MEGF10: variants seen among roughly 807,000 people sequenced by gnomAD.
MEGF10 encodes the protein multiple EGF like domains 10.
MEGF10 carries 86 observed loss-of-function variants against 147.5 expected under a neutral mutation model. The ratio of observed to expected loss-of-function variants is 0.58; its 90% CI spans 0.49 to 0.70. The LOEUF (loss-of-function observed/expected upper bound fraction) is 0.70. Among genes scored for constraint, MEGF10 ranks in the 30% least tolerant of loss-of-function variants. MEGF10 has a pLI of 0.00. For missense variants in MEGF10, 1,329 were observed against 1,487.3 expected (o/e 0.89, Z 1.75); for synonymous variants, 478 against 525.5 (o/e 0.91, Z 1.24).
At chr5:127,388,572 G>A (rs912993716) in intron 5 of MEGF10, among the ~76,000 whole-genome samples, 11 of 148,300 alleles carry the variant, frequency 7.4e-5, no homozygotes, top group Non-Finnish European at 1.5e-4. Flanking sequence ...TTGAGGCAGA[G>A]TCTGGCTCTG....
the MEGF10 span, among the ~76,000 whole-genome samples, chr5:127,234,236 A>G: frequency 6.6e-6 from 1 of 152,234 alleles, no homozygotes; most frequent in Non-Finnish European, 1.5e-5. Flanking sequence ...CAAAGCATCC[A>G]GTCACTTGAG....
At chr5:127,272,806 T>C in the MEGF10 span, among the ~76,000 whole-genome samples, 1 of 152,228 alleles carries the variant, frequency 6.6e-6, no homozygotes, top group Non-Finnish European at 1.5e-5. Flanking sequence ...TGAAGTTGCT[T>C]ATCAGCTTAA....
In MEGF10 at chr5:127,433,489, G is replaced by T; in HGVS notation, c.1820G>T (p.Arg607Leu). 6.2e-7 allele frequency: 1 copy of T among 1,609,780 alleles called. No individual in the cohort carries two copies. Among genetic ancestry groups the T allele is most frequent in the East Asian group, 2.2e-5 (1 of 44,788 alleles). The change falls in exon 14 of 25, where the codon CGA becomes CTA. Residue 607 changes from arginine (R) to leucine (L), a missense_variant. By Grantham distance (102) the Arg-to-Leu change is moderately radical. This residue lies in a region of MEGF10 where 980 missense variants were observed against 1,085.9 expected (regional missense o/e 0.90). Transcript: ENST00000503335. The part of the protein sequence containing the change: ...DGICECAPGF[R>L]GTTCQRICSP... Reference sequence around the variant, plus strand: ...ATCTGCGAGTGTGCACCAGGCTTCCGAGGCACCACTTGTCAGAGGAGTAAG... The same window carrying T: ...ATCTGCGAGTGTGCACCAGGCTTCCTAGGCACCACTTGTCAGAGGAGTAAG...
chr5:127,242,390 GA>G, the MEGF10 span, among the ~76,000 whole-genome samples: 1 of 152,178 alleles, frequency 6.6e-6, no homozygotes, highest in Non-Finnish European at 1.5e-5. Flanking sequence ...AAAATTTTAA[GA>G]GGTATATATA....
Position 127,396,894 on chromosome 5 carries a change from A to G in MEGF10, c.659+116A>G, listed in dbSNP as rs1015940015. ...TGCATTGCTGCCTGAAGAGTTACTG[A>G]TGGGTCTAGGCTGCAGGCACAGTTA... On this transcript the variant is annotated intron_variant, in intron 6 of 24. Transcript: ENST00000503335. 40 of 1,461,532 alleles carry G rather than the reference A, an allele frequency of 2.7e-5. No homozygotes were observed. In the African/African-American group the frequency reaches 5.0e-4, roughly 18 times the overall value. The allele number at this position is 1,461,532 out of a possible 1,614,324, so 90.5% of individuals were successfully genotyped here.
chr5:127,339,219 C>CA lies in MEGF10; in HGVS notation c.217dup (p.Arg73LysfsTer17), dbSNP rs1291487750. On this transcript the variant is annotated frameshift_variant and splice_region_variant, in exon 3 of 25. Transcript: ENST00000503335. LOFTEE classifies it high-confidence loss of function. ...TAAACTGGTTTAAATGCACGCGGCA[C>CA]AGGTAATAGAAGCTCAGGCATGTTT... 5.0e-6 allele frequency: 8 copies of CA among 1,607,214 alleles called. No homozygotes were observed. Among genetic ancestry groups the CA allele is most frequent in the Non-Finnish European group, 6.0e-6 (7 of 1,174,574 alleles).
At chr5:127,376,195 G>A (rs552876796) in intron 5 of MEGF10, among the ~76,000 whole-genome samples, 1 of 152,276 alleles carries the variant, frequency 6.6e-6, no homozygotes, top group South Asian at 2.1e-4. Flanking sequence ...AGAAGCCAAG[G>A]AGAGGAAGCA....
intron 5 of MEGF10, among the ~76,000 whole-genome samples, chr5:127,381,437 T>TACAAAACATA (rs1763259084): frequency 6.6e-6 from 1 of 152,218 alleles, no homozygotes; most frequent in African/African-American, 2.4e-5. Flanking sequence ...TACAAACCAT[T>TACAAAACATA]TTCTGACTGT....
intron 2 of MEGF10, 54 bp downstream of exon 2, chr5:127,331,478 A>G (rs1368966957): frequency 1.3e-5 from 12 of 956,754 alleles, no homozygotes; most frequent in African/African-American, 1.7e-5. Context: ...TCCCTTATAT[A>G]CTGTAATTAT....
chr5:127,312,360 G>A (rs1054454122), intron 1 of MEGF10, among the ~76,000 whole-genome samples: 7 of 152,146 alleles, frequency 4.6e-5, no homozygotes, highest in Non-Finnish European at 2.9e-5. Flanking sequence ...GCTTTTATGG[G>A]GAGCTTTTTG....
At chr5:127,302,403 T>C (rs1343759546) in intron 1 of MEGF10, among the ~76,000 whole-genome samples, 1 of 152,184 alleles carries the variant, frequency 6.6e-6, no homozygotes, top group Non-Finnish European at 1.5e-5. Flanking sequence ...GTTTCACTTA[T>C]ATAAAATATC....
At chr5:127,373,608 G>A (rs1762923516) in intron 5 of MEGF10, among the ~76,000 whole-genome samples, 1 of 152,022 alleles carries the variant, frequency 6.6e-6, no homozygotes, top group Non-Finnish European at 1.5e-5. Context: ...ATTGTAGAGT[G>A]GTATTTATAA....
the MEGF10 span, among the ~76,000 whole-genome samples, chr5:127,246,936 G>GCT: frequency 2.5e-4 from 1 of 4,062 alleles, no homozygotes; most frequent in Non-Finnish European, 4.5e-4. Flanking sequence ...AATAATATAT[G>GCT]ATTATATTAT....
At chr5:127,354,687 G>A (rs1348787190) in intron 4 of MEGF10, among the ~76,000 whole-genome samples, 1 of 152,190 alleles carries the variant, frequency 6.6e-6, no homozygotes, top group Admixed American at 6.5e-5. Flanking sequence ...CCTGGCTAAA[G>A]GCTCCTGTTA....
chr5:127,443,053 C>A lies in MEGF10; in HGVS notation c.2418C>A (p.Asn806Lys), dbSNP rs1765815162. The stretch of plus-strand genomic sequence containing the variant: ...GTCGCCAGATATGTGATTGTCTGAA[C>A]AACTCCACCTGCGACCACATCACTG... Reference protein sequence around the residue: ...YGCRQICDCLNNSTCDHITGT... With the variant: ...YGCRQICDCLKNSTCDHITGT... Residue 806 changes from asparagine (N) to lysine (K), a missense_variant, in exon 19 of 25, where the codon AAC (asparagine) becomes AAA (lysine). By Grantham distance (94) the Asn-to-Lys change is moderately conservative. This residue lies in a region of MEGF10 where 980 missense variants were observed against 1,085.9 expected (regional missense o/e 0.90). Transcript: ENST00000503335. 6.2e-7 allele frequency: 1 copy of A among 1,613,746 alleles called. No homozygotes were observed. The highest frequency in any genetic ancestry group is 1.3e-5 in the African/African-American group (1 of 74,914).
intron 13 of MEGF10, among the ~76,000 whole-genome samples, chr5:127,429,938 A>C (rs1765340136): frequency 6.6e-6 from 1 of 151,994 alleles, no homozygotes; most frequent in Non-Finnish European, 1.5e-5. Context: ...TCTTGGCTCA[A>C]CTCAACTTGG....
At chr5:127,328,349 A>G (rs2126777988) in intron 1 of MEGF10, among the ~76,000 whole-genome samples, 1 of 152,342 alleles carries the variant, frequency 6.6e-6, no homozygotes, top group Admixed American at 6.5e-5. Context: ...ACCAAGTAAT[A>G]CACACATACA....
chr5:127,402,943 T>TG lies in MEGF10; in HGVS notation c.917+262dup, dbSNP rs1351121402. Among the ~76,000 whole-genome samples, 11 of 152,154 alleles carry TG rather than the reference T, an allele frequency of 7.2e-5. No individual in the cohort carries two copies. The East Asian group carries it at 1.9e-3, about 27-fold the overall frequency. ...TAAAATATCAGCTATTCAGAACCCA[T>TG]GATGAAAATGTCATTCTAGAGAGTT... On this transcript the variant is annotated intron_variant, in intron 8 of 24. Coordinates refer to ENST00000503335, the MANE Select transcript of MEGF10 (RefSeq NM_001256545.2).
At chr5:127,229,854 A>T in the MEGF10 span, 1 of 152,190 alleles carries the variant, frequency 6.6e-6, no homozygotes, top group Non-Finnish European at 1.5e-5. Flanking sequence ...AGGGACGCCC[A>T]GGGCGCAGGC....
Sources: allele counts gnomAD v4.1 joint callset (sites outside exome capture counted in the v4.1 genomes callset), GRCh38; gene constraint gnomAD v4.1.1; regional missense constraint gnomAD v4.1.1; transcripts MANE v1.5; gene names NCBI Gene and HGNC (gene_info 2026-07-23, HGNC 2026-07-21).